PDE4B: variants seen among roughly 807,000 people sequenced by gnomAD.
PDE4B encodes the protein 3',5'-cyclic-AMP phosphodiesterase 4B.
A neutral mutation model predicts 82.2 loss-of-function variants in PDE4B; 20 were observed. That is an observed-to-expected ratio of 0.24 (90% CI 0.17 to 0.35). The LOEUF (loss-of-function observed/expected upper bound fraction) is 0.35. Ranked by LOEUF, PDE4B falls within the 10% of genes least tolerant of loss-of-function variation. PDE4B has a pLI of 1.00. For synonymous variants in PDE4B, 320 were observed against 318.9 expected, an observed-to-expected ratio of 1.00 and a Z score of -0.04; for missense variants, 655 against 907.2, an observed-to-expected ratio of 0.72 and a Z score of 3.57.
At chr1:65,926,320 A>T (rs1236025297) in intron 3 of PDE4B, among the ~76,000 whole-genome samples, 2 of 152,174 alleles carry the variant, frequency 1.3e-5, no homozygotes. Flanking sequence ...TGTTGAGATA[A>T]CCTTGTGAAC....
chr1:66,280,973 T>C (rs1444918722), intron 7 of PDE4B, among the ~76,000 whole-genome samples: 1 of 152,150 alleles, frequency 6.6e-6, no homozygotes, highest in Non-Finnish European at 1.5e-5. Context: ...TACATAGCTT[T>C]AACTCAGGTA....
In PDE4B at chr1:66,316,449, C is replaced by A. The variant is rs563289290; in HGVS notation, c.635-16059C>A. On this transcript the variant is annotated intron_variant, in intron 7 of 16. Transcript: ENST00000341517. ...TAGGCATCTATAATCTAGATTATCC[C>A]AGTTTTAAGACTTTGCAGAATCTGT... Among the ~76,000 whole-genome samples the A allele has an allele frequency of 4.6e-5, 7 of 152,278 alleles. No individual in the cohort carries two copies. The East Asian group carries it at 1.2e-3, about 25-fold the overall frequency.
chr1:65,887,315 CCCTT>C (rs1398044743), intron 1 of PDE4B, among the ~76,000 whole-genome samples: 14 of 108,008 alleles, frequency 1.3e-4, no homozygotes, highest in Non-Finnish European at 1.3e-4. Context: ...CTCCCTCCCT[CCCTT>C]CCTTCCTTCT....
intron 7 of PDE4B, among the ~76,000 whole-genome samples, chr1:66,269,017 G>C (rs572964592): frequency 6.6e-6 from 1 of 152,136 alleles, no homozygotes; most frequent in Non-Finnish European, 1.5e-5. Context: ...AGTAAGTGTT[G>C]AATTGACCGG....
At chr1:66,069,221 A>G (rs951667698) in intron 3 of PDE4B, among the ~76,000 whole-genome samples, 6 of 151,974 alleles carry the variant, frequency 3.9e-5, no homozygotes, top group East Asian at 1.9e-4. Flanking sequence ...GACTTTTCCA[A>G]TCATGTTCCC....
intron 3 of PDE4B, among the ~76,000 whole-genome samples, chr1:66,029,909 T>A (rs1653668900): frequency 6.6e-6 from 1 of 152,224 alleles, no homozygotes; most frequent in Non-Finnish European, 1.5e-5. Flanking sequence ...TTTCAAGCAA[T>A]ATTCCTTTTG....
At chr1:66,007,117 G>A (rs775106361) in intron 3 of PDE4B, among the ~76,000 whole-genome samples, 10 of 151,990 alleles carry the variant, frequency 6.6e-5, no homozygotes, top group Non-Finnish European at 1.3e-4. Context: ...GGGCAACAGA[G>A]TGAAACTTTG....
At chr1:65,839,786 C>T (rs1446026463) in intron 1 of PDE4B, among the ~76,000 whole-genome samples, 1 of 151,994 alleles carries the variant, frequency 6.6e-6, no homozygotes, top group African/African-American at 2.4e-5. Context: ...GGTATATACC[C>T]AGTAATGAGA....
intron 3 of PDE4B, among the ~76,000 whole-genome samples, chr1:66,167,155 G>A (rs1330521902): frequency 6.6e-6 from 1 of 152,122 alleles, no homozygotes; most frequent in Non-Finnish European, 1.5e-5. Flanking sequence ...TTCTCAAAAT[G>A]TTAAACATAA....
intron 3 of PDE4B, chr1:66,152,482 C>A: frequency 6.3e-6 from 2 of 315,554 alleles, no homozygotes; most frequent in South Asian, 2.7e-5. Context: ...TTTAACACAG[C>A]ATTGGAAGCC....
chr1:66,041,823 C>CACATAT (rs113045188), intron 3 of PDE4B, among the ~76,000 whole-genome samples: 1 of 100,450 alleles, frequency 1.0e-5, no homozygotes, highest in Non-Finnish European at 2.1e-5. Flanking sequence ...CACACACACA[C>CACATAT]ACACATACAC....
At chr1:66,305,063 G>A (rs1658172407) in intron 7 of PDE4B, among the ~76,000 whole-genome samples, 1 of 152,110 alleles carries the variant, frequency 6.6e-6, no homozygotes, top group Non-Finnish European at 1.5e-5. Context: ...AGACAGACAA[G>A]TCCATGTGCC....
intron 6 of PDE4B, among the ~76,000 whole-genome samples, chr1:66,261,641 T>G (rs1213493849): frequency 6.6e-6 from 1 of 152,222 alleles, no homozygotes; most frequent in Non-Finnish European, 1.5e-5. Flanking sequence ...CTCTTTGCTG[T>G]GCATAAAAGC....
intron 3 of PDE4B, among the ~76,000 whole-genome samples, chr1:66,217,470 C>A (rs150928344): frequency 7.9e-5 from 12 of 152,188 alleles, no homozygotes; most frequent in Non-Finnish European, 1.8e-4. Context: ...GAGAGGTGCA[C>A]TGCCATCTTT....
At chr1:66,062,882 A>G (rs929502049) in intron 3 of PDE4B, 3 of 152,072 alleles carry the variant, frequency 2.0e-5, no homozygotes, top group Non-Finnish European at 4.4e-5. Flanking sequence ...TCTCTTTCAC[A>G]TCCTTCTTTA....
At chr1:66,206,604 C>T (rs2101559890) in intron 3 of PDE4B, among the ~76,000 whole-genome samples, 2 of 152,170 alleles carry the variant, frequency 1.3e-5, no homozygotes, top group Middle Eastern at 6.8e-3. Context: ...CTATAATGAC[C>T]TTCATTCATT....
At chr1:66,043,897 T>A (rs987809840) in intron 3 of PDE4B, among the ~76,000 whole-genome samples, 1 of 151,658 alleles carries the variant, frequency 6.6e-6, no homozygotes, top group African/African-American at 2.4e-5. Context: ...ACACTGTAAA[T>A]TACAGACAAC....
chr1:66,174,042 C>T (rs1257162319), intron 3 of PDE4B, among the ~76,000 whole-genome samples: 1 of 152,214 alleles, frequency 6.6e-6, no homozygotes, highest in Non-Finnish European at 1.5e-5. Context: ...CTGCCTTGGC[C>T]TCCCAAAGTG....
At chr1:66,046,906 A>G (rs1654748172) in intron 3 of PDE4B, among the ~76,000 whole-genome samples, 1 of 151,892 alleles carries the variant, frequency 6.6e-6, no homozygotes, top group Non-Finnish European at 1.5e-5. Context: ...CTTGAAATCT[A>G]TAATGAATCA....
Sources: allele counts gnomAD v4.1 joint callset (sites outside exome capture counted in the v4.1 genomes callset), GRCh38; gene constraint gnomAD v4.1.1; transcripts MANE v1.5; gene names NCBI Gene and HGNC (gene_info 2026-07-23, HGNC 2026-07-21).